STIM1: variants seen among roughly 807,000 people sequenced by gnomAD.
STIM1 encodes stromal interaction molecule 1.
A neutral mutation model predicts 74.7 loss-of-function variants in STIM1; 25 were observed. The ratio of observed to expected loss-of-function variants is 0.33; its 90% CI spans 0.24 to 0.47. The LOEUF (loss-of-function observed/expected upper bound fraction) is 0.47, where lower values mean the gene tolerates loss of function less well. Among genes scored for constraint, STIM1 ranks in the 20% least tolerant of loss-of-function variants. The probability of loss-of-function intolerance (pLI) is 1.00; values close to 1 mark genes in which losing one functional copy is unlikely to be tolerated. For missense variants in STIM1, 728 were observed against 920.8 expected (o/e 0.79, Z 2.71); for synonymous variants, 328 against 348.8 (o/e 0.94, Z 0.66).
intron 1 of STIM1, among the ~76,000 whole-genome samples, chr11:3,909,808 G>GA (rs1448440597): frequency 4.8e-5 from 6 of 125,284 alleles, no homozygotes; most frequent in African/African-American, 1.2e-4. Context: ...AAAAAAAAAA[G>GA]AAAAAAAAAG....
intron 1 of STIM1, among the ~76,000 whole-genome samples, chr11:3,899,220 G>C (rs1433584449): frequency 5.3e-5 from 8 of 152,038 alleles, no homozygotes; most frequent in Non-Finnish European, 1.2e-4. Flanking sequence ...TCTCCTTGAA[G>C]AGGTCCTTCA....
At chr11:4,078,469 G>A (rs911818521) in intron 7 of STIM1, among the ~76,000 whole-genome samples, 2 of 152,074 alleles carry the variant, frequency 1.3e-5, no homozygotes, top group Admixed American at 1.3e-4. Context: ...GGAAGAAAAT[G>A]ACTGGCAATT....
At chr11:3,980,059 C>T (rs1382559363) in intron 2 of STIM1, among the ~76,000 whole-genome samples, 1 of 152,162 alleles carries the variant, frequency 6.6e-6, no homozygotes, top group Admixed American at 6.5e-5. Context: ...TTAGAAATTG[C>T]CTTGCTTTGT....
chr11:3,900,013 A>G (rs1271055050), intron 1 of STIM1, among the ~76,000 whole-genome samples: 1 of 152,150 alleles, frequency 6.6e-6, no homozygotes, highest in Non-Finnish European at 1.5e-5. Flanking sequence ...CTTTGGTATC[A>G]GGATGATGCT....
rs553218329 is a variant in STIM1, at chr11:3,913,013, T to C, written c.140-54539T>C. On this transcript the variant is annotated intron_variant, in intron 1 of 12. Coordinates refer to ENST00000526596, the MANE Select transcript of STIM1 (RefSeq NM_001382567.1). ...TGGTCCCAGAGATGGAAGCCTCATT[T>C]TGAGTGAGAATGGCAAAGTCCCACT... Among the ~76,000 whole-genome samples, 5 of 152,342 alleles carry C rather than the reference T, an allele frequency of 3.3e-5. No homozygotes were observed. In the South Asian group the frequency reaches 8.3e-4, roughly 25 times the overall value.
At chr11:4,042,952 C>T (rs566031279) in intron 3 of STIM1, among the ~76,000 whole-genome samples, 24 of 152,298 alleles carry the variant, frequency 1.6e-4, no homozygotes, top group African/African-American at 5.5e-4. Flanking sequence ...AGGGATCTCT[C>T]TCTTGATCAC....
At chr11:4,041,204 T>A (rs1225812054) in intron 3 of STIM1, among the ~76,000 whole-genome samples, 1 of 152,220 alleles carries the variant, frequency 6.6e-6, no homozygotes, top group Admixed American at 6.5e-5. Flanking sequence ...CCACATCACC[T>A]TATATATCCC....
chr11:3,997,517 A>G (rs968686778), intron 2 of STIM1, among the ~76,000 whole-genome samples: 1 of 152,154 alleles, frequency 6.6e-6, no homozygotes, highest in Non-Finnish European at 1.5e-5. Context: ...TTAAGAGTGA[A>G]CACTGTGATA....
intron 5 of STIM1, among the ~76,000 whole-genome samples, chr11:4,062,920 C>G (rs2094340828): frequency 6.6e-6 from 1 of 152,096 alleles, no homozygotes; most frequent in South Asian, 2.1e-4. Flanking sequence ...GAATATTAAT[C>G]AGTCACTAAA....
intron 3 of STIM1, among the ~76,000 whole-genome samples, chr11:4,047,515 C>T (rs28419002): frequency 0.26 from 38,901 of 152,054 alleles, 6,152 homozygotes; most frequent in South Asian, 0.46. Context: ...ACTCCAGAGG[C>T]TGAGGCAGGA....
At chr11:4,013,915 G>A (rs1233544229) in intron 2 of STIM1, among the ~76,000 whole-genome samples, 1 of 151,664 alleles carries the variant, frequency 6.6e-6, no homozygotes, top group Non-Finnish European at 1.5e-5. Flanking sequence ...CACCGTGTTA[G>A]CCAGGATGGT....
intron 1 of STIM1, among the ~76,000 whole-genome samples, chr11:3,879,510 T>C (rs1016842889): frequency 2.0e-5 from 3 of 152,202 alleles, no homozygotes; most frequent in African/African-American, 4.8e-5. Flanking sequence ...ACTCCCCAGA[T>C]TGGTTTGTGC....
chr11:4,055,503 G>C, intron 3 of STIM1, 23 bp from the exon 4 acceptor site: 1 of 1,544,636 alleles, frequency 6.5e-7, no homozygotes, highest in East Asian at 2.3e-5. Flanking sequence ...TAGAGTCATG[G>C]CTTTGCTTGT....
At chr11:4,034,861 T>C (rs947571592) in intron 3 of STIM1, among the ~76,000 whole-genome samples, 5 of 152,138 alleles carry the variant, frequency 3.3e-5, no homozygotes, top group Admixed American at 2.0e-4. Context: ...TTCAAGAAAT[T>C]TGTCTATTTC....
chr11:4,038,144 C>T (rs1199718810), intron 3 of STIM1, among the ~76,000 whole-genome samples: 3 of 151,316 alleles, frequency 2.0e-5, no homozygotes, highest in Non-Finnish European at 4.4e-5. Flanking sequence ...AAGAGATTCT[C>T]GTGCCCCAGC....
chr11:3,885,715 G>C (rs942433824), intron 1 of STIM1, among the ~76,000 whole-genome samples: 9 of 152,100 alleles, frequency 5.9e-5, no homozygotes, highest in African/African-American at 2.2e-4. Context: ...ATGGCTCACT[G>C]TAGCCTTGAC....
intron 3 of STIM1, among the ~76,000 whole-genome samples, chr11:4,048,535 C>T (rs960775775): frequency 1.3e-5 from 2 of 151,986 alleles, no homozygotes; most frequent in Admixed American, 6.6e-5. Context: ...CTCATTCCTC[C>T]CACCATTTTT....
chr11:3,866,708 C>G lies in STIM1; in HGVS notation c.139+10299C>G, dbSNP rs138493260. Among the ~76,000 whole-genome samples, 111 of 152,150 alleles carry G rather than the reference C, an allele frequency of 7.3e-4. 1 individual carries two copies. The highest frequency in any genetic ancestry group is 2.6e-3 in the African/African-American group (106 of 41,518). On this transcript the variant is annotated intron_variant, in intron 1 of 12. Transcript: ENST00000526596. ...TCAAGATATGTCTTTTACAGCAAGC[C>G]AGTACCTAAGAGCACTGGGCATTGG...
At chr11:3,989,504 C>T (rs1352276647) in intron 2 of STIM1, 19 of 599,384 alleles carry the variant, frequency 3.2e-5, no homozygotes, top group South Asian at 2.7e-4. Flanking sequence ...CTGTGAGCCG[C>T]GGCGCACCGA....
Sources: allele counts gnomAD v4.1 joint callset (sites outside exome capture counted in the v4.1 genomes callset), GRCh38; gene constraint gnomAD v4.1.1; transcripts MANE v1.5; gene names NCBI Gene and HGNC (gene_info 2026-07-23, HGNC 2026-07-21).